DAB1: variants seen among roughly 807,000 people sequenced by gnomAD.
DAB1 encodes the protein disabled homolog 1.
A neutral mutation model predicts 64.6 loss-of-function variants in DAB1; 15 were observed. The ratio of observed to expected loss-of-function variants is 0.23; its 90% CI spans 0.16 to 0.36. The LOEUF (loss-of-function observed/expected upper bound fraction) is 0.36. DAB1 is among the 10% of genes least tolerant of loss of function. The pLI, the probability that DAB1 is intolerant of heterozygous loss-of-function variation, is 1.00. For synonymous variants in DAB1, 235 were observed against 251.9 expected (o/e 0.93, Z 0.64); for missense variants, 596 against 706.7 (o/e 0.84, Z 1.78).
At chr1:58,461,184 C>A (rs1402459447) in intron 3 of DAB1, among the ~76,000 whole-genome samples, 1 of 152,024 alleles carries the variant, frequency 6.6e-6, no homozygotes, top group Non-Finnish European at 1.5e-5. Context: ...TTTTAAAAAC[C>A]TCCATCTTAA....
intron 6 of DAB1, among the ~76,000 whole-genome samples, chr1:57,770,790 GTAT>G (rs2101829967): frequency 6.6e-6 from 1 of 152,196 alleles, no homozygotes; most frequent in East Asian, 1.9e-4. Context: ...CACTTACAGT[GTAT>G]TATTATAGTA....
intron 5 of DAB1, among the ~76,000 whole-genome samples, chr1:57,959,977 C>T (rs1462452455): frequency 6.6e-6 from 1 of 152,224 alleles, no homozygotes; most frequent in Non-Finnish European, 1.5e-5. Context: ...AAAATATCCA[C>T]TCACCAACTG....
At chr1:58,370,816 C>T (rs1383415950) in intron 3 of DAB1, among the ~76,000 whole-genome samples, 2 of 152,204 alleles carry the variant, frequency 1.3e-5, no homozygotes, top group Non-Finnish European at 2.9e-5. Flanking sequence ...CATCTGCCAT[C>T]ATGTAAGACA....
rs548583297 is a variant in DAB1 at position 57,642,904 on chromosome 1, G to A, written n.625+6688C>T. Reference sequence around the variant, plus strand: ...GTTCTTTGGCAATTCATTAATACCTGTGCACCTCACACAAATATTACTTGA... The same window carrying A: ...GTTCTTTGGCAATTCATTAATACCTATGCACCTCACACAAATATTACTTGA... On this transcript the variant is annotated intron_variant and non_coding_transcript_variant, in intron 7 of 20. Transcript: ENST00000485760. Among the ~76,000 whole-genome samples, 11 of 152,264 alleles carry A rather than the reference G, an allele frequency of 7.2e-5. No individual in the cohort carries two copies. In the South Asian group the frequency reaches 2.1e-3, roughly 29 times the overall value.
chr1:58,008,306 T>C (rs927175600), intron 5 of DAB1, among the ~76,000 whole-genome samples: 4 of 152,100 alleles, frequency 2.6e-5, no homozygotes, highest in African/African-American at 4.8e-5. Flanking sequence ...GTATGGATCT[T>C]GTGGTAAATA....
chr1:58,400,833 G>A (rs1644562536), intron 3 of DAB1, among the ~76,000 whole-genome samples: 1 of 152,140 alleles, frequency 6.6e-6, no homozygotes, highest in South Asian at 2.1e-4. Context: ...TTATTTAGGT[G>A]TTTTGGGAAT....
chr1:57,354,483 G>A (rs1678897437), intron 1 of DAB1, among the ~76,000 whole-genome samples: 1 of 152,042 alleles, frequency 6.6e-6, no homozygotes, highest in African/African-American at 2.4e-5. Flanking sequence ...ACTCAGTTAG[G>A]GAATTGATCA....
intron 5 of DAB1, among the ~76,000 whole-genome samples, chr1:58,062,380 T>C (rs189514492): frequency 1.3e-3 from 191 of 152,316 alleles, no homozygotes; most frequent in Admixed American, 3.3e-3. Flanking sequence ...TTCTCCTCTA[T>C]TGCATGGTTT....
chr1:57,082,504 C>G (rs542071800), intron 4 of DAB1, among the ~76,000 whole-genome samples: 2 of 152,260 alleles, frequency 1.3e-5, no homozygotes, highest in South Asian at 4.2e-4. Context: ...CTTTCTTTTT[C>G]TGTTTTATGT....
chr1:57,043,339 T>C (rs1259729393), intron 9 of DAB1, among the ~76,000 whole-genome samples: 1 of 152,220 alleles, frequency 6.6e-6, no homozygotes, highest in African/African-American at 2.4e-5. Context: ...CACACCTAGA[T>C]GCTCAAGTCA....
intron 4 of DAB1, among the ~76,000 whole-genome samples, chr1:58,260,561 A>T (rs1218221939): frequency 6.6e-6 from 1 of 152,132 alleles, no homozygotes; most frequent in Non-Finnish European, 1.5e-5. Context: ...TGGGCTAGCC[A>T]CTGTTGACCT....
chr1:58,370,303 G>A (rs1045736284), intron 3 of DAB1, among the ~76,000 whole-genome samples: 1 of 151,888 alleles, frequency 6.6e-6, no homozygotes, highest in Admixed American at 6.6e-5. Flanking sequence ...AGCATGATGA[G>A]GAAAGCAAAG....
At chr1:58,318,392 T>G (rs946537045) in intron 4 of DAB1, among the ~76,000 whole-genome samples, 3 of 152,176 alleles carry the variant, frequency 2.0e-5, no homozygotes, top group Non-Finnish European at 1.5e-5. Flanking sequence ...TTCTTTTAAG[T>G]TCATGGACAG....
intron 4 of DAB1, among the ~76,000 whole-genome samples, chr1:58,277,808 T>C (rs1242723393): frequency 6.6e-6 from 1 of 152,210 alleles, no homozygotes; most frequent in Non-Finnish European, 1.5e-5. Flanking sequence ...CCTCTGTCTG[T>C]TTTTCTGTCC....
chr1:57,242,575 G>T (rs1184850810), intron 2 of DAB1, among the ~76,000 whole-genome samples: 1 of 152,076 alleles, frequency 6.6e-6, no homozygotes, highest in Non-Finnish European at 1.5e-5. Flanking sequence ...GAACAGATCT[G>T]CAACAATACC....
chr1:57,549,457 T>C (rs912572689), intron 7 of DAB1, among the ~76,000 whole-genome samples: 1 of 152,224 alleles, frequency 6.6e-6, no homozygotes, highest in African/African-American at 2.4e-5. Context: ...TTTTACTCTC[T>C]GGAACCAGTT....
intron 5 of DAB1, among the ~76,000 whole-genome samples, chr1:58,121,832 G>T (rs1364674142): frequency 6.6e-6 from 1 of 152,116 alleles, no homozygotes; most frequent in Non-Finnish European, 1.5e-5. Context: ...TAAACGATTT[G>T]GAATTTTCCT....
intron 4 of DAB1, among the ~76,000 whole-genome samples, chr1:58,270,382 ATC>A (rs1469486645): frequency 1.5e-5 from 2 of 133,152 alleles, no homozygotes; most frequent in Admixed American, 7.7e-5. Flanking sequence ...ATTGATCTAT[ATC>A]TCTGTTTTGG....
At chr1:57,421,997 A>G (rs1052208540) in intron 1 of DAB1, among the ~76,000 whole-genome samples, 5 of 150,850 alleles carry the variant, frequency 3.3e-5, no homozygotes, top group African/African-American at 1.2e-4. Flanking sequence ...GCCATCCAGA[A>G]TCACTCATCA....
Sources: gnomAD v4.1 joint callset for allele counts (sites outside exome capture counted in the v4.1 genomes callset) on GRCh38, gnomAD v4.1.1 for gene constraint, MANE v1.5 for transcripts, NCBI Gene and HGNC (gene_info 2026-07-23, HGNC 2026-07-21) for gene names.